Variants in RFX3 observed in about 807,000 individuals in gnomAD.
RFX3 encodes the protein transcription factor RFX3.
In RFX3, 14 loss-of-function variants were observed where a neutral mutation model predicts 98.6. The ratio of observed to expected loss-of-function variants is 0.14; its 90% confidence interval spans 0.09 to 0.22. The LOEUF (loss-of-function observed/expected upper bound fraction) is 0.22, where lower values mean the gene tolerates loss of function less well. RFX3 is among the 10% of genes least tolerant of loss of function. The pLI, the probability that RFX3 is intolerant of heterozygous loss-of-function variation, is 1.00. For synonymous variants in RFX3, 383 were observed against 328.4 expected (o/e 1.17, Z -1.80); for missense variants, 639 against 926.9 (o/e 0.69, Z 4.03).
At chr9:3,237,033 C>A (rs1364156946) in intron 15 of RFX3, among the ~76,000 whole-genome samples, 2 of 152,152 alleles carry the variant, frequency 1.3e-5, no homozygotes, top group Admixed American at 6.5e-5. Flanking sequence ...GGGAAGCAAC[C>A]TTTTAACTTG....
chr9:3,358,839 G>A (rs1178910218), intron 2 of RFX3, among the ~76,000 whole-genome samples: 1 of 152,004 alleles, frequency 6.6e-6, no homozygotes, highest in Non-Finnish European at 1.5e-5. Flanking sequence ...TCACATGATG[G>A]CAGGAAGAAG....
At chr9:3,329,505 T>C (rs1375380359) in intron 4 of RFX3, among the ~76,000 whole-genome samples, 2 of 150,746 alleles carry the variant, frequency 1.3e-5, no homozygotes, top group African/African-American at 4.9e-5. Context: ...GCTCCTAAGA[T>C]ACTGTTTGCT....
At chr9:3,352,155 G>A (rs1835216436) in intron 2 of RFX3, among the ~76,000 whole-genome samples, 2 of 151,932 alleles carry the variant, frequency 1.3e-5, no homozygotes, top group African/African-American at 2.4e-5. Flanking sequence ...TAAAAAGTAT[G>A]TTGTGGAACA....
At chr9:3,510,967 C>T (rs969091398) in intron 1 of RFX3, among the ~76,000 whole-genome samples, 3 of 151,796 alleles carry the variant, frequency 2.0e-5, no homozygotes, top group African/African-American at 4.8e-5. Flanking sequence ...AAAATAAGAT[C>T]ATTTAATTAG....
chr9:3,295,492 AG>A (rs1281027328), intron 5 of RFX3, among the ~76,000 whole-genome samples: 2 of 152,104 alleles, frequency 1.3e-5, no homozygotes, highest in African/African-American at 4.8e-5. Context: ...CTTGATATCA[AG>A]GACTATAAAG....
At chr9:3,268,366 T>C (rs1050528264) in intron 11 of RFX3, among the ~76,000 whole-genome samples, 2 of 151,772 alleles carry the variant, frequency 1.3e-5, no homozygotes, top group African/African-American at 2.4e-5. Flanking sequence ...ATTGTGCAGA[T>C]TGACTCTGAC....
chr9:3,328,633 G>C (rs960314265), intron 4 of RFX3, among the ~76,000 whole-genome samples: 20 of 152,104 alleles, frequency 1.3e-4, no homozygotes, highest in Non-Finnish European at 2.4e-4. Flanking sequence ...CATCTGTTCT[G>C]ATGTTAGTAA....
chr9:3,477,083 CTAATTTTTGTTT>C (rs1298247028), intron 1 of RFX3, among the ~76,000 whole-genome samples: 1 of 151,934 alleles, frequency 6.6e-6, no homozygotes, highest in East Asian at 1.9e-4. Flanking sequence ...AATTTTTGTT[CTAATTTTTGTTT>C]TACCTGAAAC....
At chr9:3,383,991 A>G (rs1839454260) in intron 2 of RFX3, among the ~76,000 whole-genome samples, 2 of 152,156 alleles carry the variant, frequency 1.3e-5, no homozygotes, top group African/African-American at 4.8e-5. Flanking sequence ...ACCCTCTGAT[A>G]TAGTGGTTCA....
At chr9:3,381,435 T>A (rs1413097348) in intron 2 of RFX3, among the ~76,000 whole-genome samples, 1 of 152,132 alleles carries the variant, frequency 6.6e-6, no homozygotes, top group East Asian at 1.9e-4. Flanking sequence ...GAAATAATTT[T>A]GCTCTATCAT....
At chr9:3,246,809 G>A (rs1395284927) in intron 15 of RFX3, among the ~76,000 whole-genome samples, 1 of 152,112 alleles carries the variant, frequency 6.6e-6, no homozygotes. Flanking sequence ...CATATATTTG[G>A]CATCATTTAA....
At chr9:3,418,597 C>G (rs895738784) in intron 1 of RFX3, among the ~76,000 whole-genome samples, 1 of 152,110 alleles carries the variant, frequency 6.6e-6, no homozygotes, top group Non-Finnish European at 1.5e-5. Flanking sequence ...CCAGGCTGGT[C>G]TCGAACTCCT....
intron 7 of RFX3, among the ~76,000 whole-genome samples, chr9:3,287,450 C>T (rs1265946434): frequency 1.3e-5 from 2 of 152,086 alleles, no homozygotes; most frequent in African/African-American, 4.8e-5. Flanking sequence ...CTTAGCTATG[C>T]AACTTTATTT....
intron 14 of RFX3, 113 bp from the exon 15 acceptor site, chr9:3,248,298 G>GTA: frequency 7.7e-7 from 1 of 1,295,392 alleles, no homozygotes; most frequent in Non-Finnish European, 1.0e-6. Flanking sequence ...GGTTGGTATA[G>GTA]TATAAAACCT....
chr9:3,228,815 T>C, intron 16 of RFX3, 32 bp downstream of exon 16: 2 of 1,576,578 alleles, frequency 1.3e-6, no homozygotes, highest in Non-Finnish European at 1.7e-6. Context: ...TAAATAAAAG[T>C]TCTTAAAATG....
chr9:3,357,560 A>G (rs1395229394), intron 2 of RFX3, among the ~76,000 whole-genome samples: 1 of 152,054 alleles, frequency 6.6e-6, no homozygotes, highest in Non-Finnish European at 1.5e-5. Context: ...AATAGCTTAT[A>G]TTACAACCAA....
At chr9:3,254,118 G>C (rs148249910) in intron 14 of RFX3, among the ~76,000 whole-genome samples, 86 of 152,202 alleles carry the variant, frequency 5.7e-4, no homozygotes, top group African/African-American at 2.0e-3. Context: ...GGAGGACAGA[G>C]GGCAGGCAAG....
intron 11 of RFX3, among the ~76,000 whole-genome samples, chr9:3,267,163 C>T (rs1823758299): frequency 6.6e-6 from 1 of 151,846 alleles, no homozygotes; most frequent in Non-Finnish European, 1.5e-5. Flanking sequence ...ACAAGTAATC[C>T]AGTTAATAGT....
At chr9:3,316,870 G>T (rs1164165645) in intron 4 of RFX3, among the ~76,000 whole-genome samples, 1 of 152,106 alleles carries the variant, frequency 6.6e-6, no homozygotes, top group Non-Finnish European at 1.5e-5. Flanking sequence ...AATAAAAGAA[G>T]ACACAAATAA....
Sources: gnomAD v4.1 joint callset for allele counts (sites outside exome capture counted in the v4.1 genomes callset) on GRCh38, gnomAD v4.1.1 for gene constraint, MANE v1.5 for transcripts, NCBI Gene and HGNC (gene_info 2026-07-23, HGNC 2026-07-21) for gene names.